The following GTF3C1 variants were observed in gnomAD, a reference collection of about 807,000 sequenced individuals.
GTF3C1 encodes general transcription factor IIIC subunit 1, also known as general transcription factor 3C polypeptide 1.
Under a neutral mutation model 226.7 loss-of-function variants are expected in GTF3C1, and 57 were observed. That is an observed-to-expected ratio of 0.25 (90% CI 0.20 to 0.31). The LOEUF (loss-of-function observed/expected upper bound fraction) is 0.31, where lower values mean the gene tolerates loss of function less well. Ranked by LOEUF, GTF3C1 falls within the 10% of genes least tolerant of loss-of-function variation. The pLI, the probability that GTF3C1 is intolerant of heterozygous loss-of-function variation, is 1.00. For synonymous variants in GTF3C1, 1,090 were observed against 1,084.8 expected, an observed-to-expected ratio of 1.00 and a Z score of -0.09; for missense variants, 2,217 against 2,776.1, an observed-to-expected ratio of 0.80 and a Z score of 4.53.
At position 27,469,604 on chromosome 16, in the gene GTF3C1, G is replaced by A. The variant is rs2141347671; in HGVS notation, c.4815-54C>T. 1 of 1,563,878 alleles carries A rather than the reference G, an allele frequency of 6.4e-7. No homozygotes were observed. The highest frequency in any genetic ancestry group is 2.3e-5 in the East Asian group (1 of 44,180). On this transcript the variant is annotated intron_variant, in intron 31 of 36. Coordinates refer to ENST00000356183, the MANE Select transcript of GTF3C1 (RefSeq NM_001520.4). This position sits in a 1 kb window ranked among gnomAD's most constrained non-coding sequence, Gnocchi z 4.5. ...GAGCATAGGCCAGCCAGTTGCTACT[G>A]CAGCCTCTCCCCTCCCTCAAGAGGC... is the stretch of plus-strand genomic sequence containing the variant.
intron 25 of GTF3C1, 91 bp from the exon 26 acceptor site, chr16:27,483,216 C>T: frequency 8.4e-7 from 1 of 1,197,584 alleles, no homozygotes; most frequent in Non-Finnish European, 1.2e-6. Flanking sequence ...ATGTTTCTGG[C>T]CTTGGCCGAC....
chr16:27,476,310 A>C lies in GTF3C1; in HGVS notation c.4353+141T>G, dbSNP rs563113477. ...AAAATAAAACAACGATAAAAAAATA[A>C]AGTTGAAAGACATGTGGGCTGGCAT... On this transcript the variant is annotated intron_variant, in intron 29 of 36. Transcript: ENST00000356183. The C allele has an allele frequency of 1.7e-4, 103 of 589,522 alleles. No homozygotes were observed. In the South Asian group the frequency reaches 2.1e-3, roughly 12 times the overall value. The allele number at this position is 589,522 out of a possible 1,614,324, so 36.5% of individuals were successfully genotyped here.
Position 27,505,937 on chromosome 16 carries a change from T to C in GTF3C1, c.1732A>G (p.Ile578Val), listed in dbSNP as rs1596640360. The C allele has an allele frequency of 1.2e-6, 2 of 1,612,826 alleles. No homozygotes were observed. Among genetic ancestry groups the C allele is most frequent in the Non-Finnish European group, 1.7e-6 (2 of 1,178,760 alleles). Residue 578 changes from isoleucine (I) to valine (V), a missense_variant, in exon 10 of 37, where the codon ATA becomes GTA. Coordinates refer to ENST00000356183, the MANE Select transcript of GTF3C1 (RefSeq NM_001520.4). Reference sequence around the variant, plus strand: ...ATCCGGACCTCCTCGATCACAGCTATGTCACCACTGTTGCTGTCCGCACAG... The same window carrying C: ...ATCCGGACCTCCTCGATCACAGCTACGTCACCACTGTTGCTGTCCGCACAG... ...SHCADSNSGD[I>V]AVIEEVRMEN... is the part of the protein sequence containing the mutation.
intron 16 of GTF3C1, 60 bp downstream of exon 16, chr16:27,494,702 TA>T: frequency 7.8e-7 from 1 of 1,289,320 alleles, no homozygotes; most frequent in Admixed American, 1.7e-5. Context: ...CAGGTGAGTG[TA>T]GGCCCTCCAG....
intron 10 of GTF3C1, among the ~76,000 whole-genome samples, chr16:27,504,100 T>C (rs545242733): frequency 6.6e-6 from 1 of 152,354 alleles, no homozygotes; most frequent in Admixed American, 6.5e-5. Context: ...CCAGTTTCCA[T>C]GGGGCTGCTG....
intron 25 of GTF3C1, among the ~76,000 whole-genome samples, chr16:27,483,644 C>T (rs1296267277): frequency 1.3e-5 from 2 of 152,250 alleles, no homozygotes; most frequent in Non-Finnish European, 2.9e-5. Context: ...CTGCTGCCTT[C>T]ATAAAGAGCT....
In GTF3C1 at chr16:27,464,302, G is replaced by A; in HGVS notation, c.5872+18C>T. ...CCAGGGTGGGGTGAGGTGGGGTGGGGGACAAGGCGCGCGGTACCTCTGGGG... is the reference window on the plus strand; with the variant it reads ...CCAGGGTGGGGTGAGGTGGGGTGGGAGACAAGGCGCGCGGTACCTCTGGGG... On this transcript the variant is annotated intron_variant, in intron 34 of 36. Coordinates refer to ENST00000356183, the MANE Select transcript of GTF3C1 (RefSeq NM_001520.4). The A allele has an allele frequency of 1.4e-6, 2 of 1,435,996 alleles. No homozygotes were observed. Among genetic ancestry groups the A allele is most frequent in the South Asian group, 1.6e-5 (1 of 62,536 alleles). 89.0% of individuals were successfully genotyped at this position (1,435,996 alleles called of 1,614,324 possible).
rs1280926142 is a variant in GTF3C1, at chr16:27,463,814, G to A, written c.5873-222C>T. ...AGCGCCACATGCAAGCAGCGTCCCA[G>A]GCCCGGACAAGCCCCACATTGCAGG... On this transcript the variant is annotated intron_variant, in intron 34 of 36. Coordinates refer to ENST00000356183, the MANE Select transcript of GTF3C1 (RefSeq NM_001520.4). This position sits in a 1 kb window ranked among gnomAD's most constrained non-coding sequence, Gnocchi z 4.9. The A allele has an allele frequency of 1.8e-6, 1 of 567,938 alleles. No homozygotes were observed. Among genetic ancestry groups the A allele is most frequent in the Non-Finnish European group, 3.1e-6 (1 of 324,384 alleles). 35.2% of individuals were successfully genotyped at this position (567,938 alleles called of 1,614,324 possible). A position where few individuals can be genotyped will look rare whatever the true frequency, so the allele number is the denominator to read the frequency against.
At chr16:27,489,312 T>C (rs1290034763) in intron 20 of GTF3C1, 134 bp from the exon 21 acceptor site, 2 of 972,944 alleles carry the variant, frequency 2.1e-6, no homozygotes, top group African/African-American at 3.3e-5. Flanking sequence ...CAGGTAGCAA[T>C]GAAGAACTTG....
chr16:27,461,238 G>T lies in GTF3C1; in HGVS notation c.*112C>A. ...ACTCTGGCCAAAGCACCCGTCCCCT[G>T]CTGCAGGAGGCTCGGCAGACCCAAG... On this transcript the variant is annotated 3_prime_UTR_variant, in exon 37 of 37. Coordinates refer to ENST00000356183, the MANE Select transcript of GTF3C1 (RefSeq NM_001520.4). This position sits in a 1 kb window ranked among gnomAD's most constrained non-coding sequence, Gnocchi z 5.3. The T allele has an allele frequency of 1.5e-6, 1 of 670,628 alleles. No homozygotes were observed. 41.5% of individuals were successfully genotyped at this position (670,628 alleles called of 1,614,324 possible).
At chr16:27,503,046 G>T (rs754279443) in intron 10 of GTF3C1, 51 bp from the exon 11 acceptor site, 3 of 1,483,936 alleles carry the variant, frequency 2.0e-6, no homozygotes, top group South Asian at 2.3e-5. Flanking sequence ...CAAGGCTTGG[G>T]GGCCACGCAC....
rs2087876976 is a variant in GTF3C1, at chr16:27,471,930, A to G, written c.4354-10T>C. 1.2e-6 allele frequency: 2 copies of G among 1,613,428 alleles called. No individual in the cohort carries two copies. Among genetic ancestry groups the G allele is most frequent in the Non-Finnish European group, 1.7e-6 (2 of 1,179,482 alleles). ...GATAGAGGCGGAAAGTCTGCAACACAGGGCGGCGAGGGTGAGTAGGGTTCT... is the reference window on the plus strand; with the variant it reads ...GATAGAGGCGGAAAGTCTGCAACACGGGGCGGCGAGGGTGAGTAGGGTTCT... On this transcript the variant is annotated splice_polypyrimidine_tract_variant and intron_variant, in intron 29 of 36. Coordinates refer to ENST00000356183, the MANE Select transcript of GTF3C1 (RefSeq NM_001520.4). The surrounding 1 kb of genome is among the most constrained non-coding windows in gnomAD (Gnocchi z 5.0).
chr16:27,524,820 G>T (rs2088804631), intron 6 of GTF3C1, among the ~76,000 whole-genome samples: 1 of 152,164 alleles, frequency 6.6e-6, no homozygotes, highest in African/African-American at 2.4e-5. Flanking sequence ...AGCTCCACAG[G>T]CCATGAGTAT....
In GTF3C1 at chr16:27,470,937, G is replaced by C. The variant is rs183668671; in HGVS notation, c.4527-542C>G. On this transcript the variant is annotated intron_variant, in intron 30 of 36. Transcript: ENST00000356183. The surrounding 1 kb of genome is among the most constrained non-coding windows in gnomAD (Gnocchi z 4.9). ...GCCCTCGGTTCAGATGGGGACATGC[G>C]GTCAGAGCAGTGTCTCCGTGACAAA... Among the ~76,000 whole-genome samples, 2 of 152,328 alleles carry C rather than the reference G, an allele frequency of 1.3e-5. No individual in the cohort carries two copies. The highest frequency in any genetic ancestry group is 2.9e-5 in the Non-Finnish European group (2 of 68,032).
intron 4 of GTF3C1, among the ~76,000 whole-genome samples, chr16:27,533,711 C>G (rs940056004): frequency 6.6e-6 from 1 of 152,184 alleles, no homozygotes; most frequent in Non-Finnish European, 1.5e-5. Context: ...AAGTATCACA[C>G]ATATCTTCTT....
intron 25 of GTF3C1, 199 bp from the exon 26 acceptor site, chr16:27,483,324 C>A: frequency 3.0e-6 from 2 of 673,132 alleles, no homozygotes; most frequent in African/African-American, 3.5e-5. Flanking sequence ...CAGGTCTGTT[C>A]ACACTTTACA....
intron 16 of GTF3C1, 69 bp downstream of exon 16, chr16:27,494,694 G>A (rs2088288071): frequency 8.5e-7 from 1 of 1,174,372 alleles, no homozygotes; most frequent in South Asian, 1.2e-5. Context: ...CCCTTGCCCA[G>A]GTGAGTGTAG....
intron 6 of GTF3C1, among the ~76,000 whole-genome samples, chr16:27,515,424 G>A (rs2088641766): frequency 6.6e-6 from 1 of 151,802 alleles, no homozygotes; most frequent in African/African-American, 2.4e-5. Context: ...ACTCCAGCCT[G>A]GGCAAGAGTG....
intron 26 of GTF3C1, chr16:27,482,676 T>C: frequency 2.2e-6 from 1 of 458,710 alleles, no homozygotes; most frequent in Non-Finnish European, 4.4e-6. Context: ...CTTCCCTCCT[T>C]GTCAGCCACC....
Sources: gnomAD v4.1 joint callset for allele counts (sites outside exome capture counted in the v4.1 genomes callset) on GRCh38, gnomAD v4.1.1 for gene constraint, Gnocchi (gnomAD v3.1) non-coding constraint, MANE v1.5 for transcripts, NCBI Gene and HGNC (gene_info 2026-07-23, HGNC 2026-07-21) for gene names.